The following PARD3 variants were observed in gnomAD, a reference collection of about 807,000 sequenced individuals.
PARD3 encodes par-3 family cell polarity regulator, also known as partitioning defective 3 homolog.
PARD3 carries 75 observed loss-of-function variants against 155.4 expected under a neutral mutation model. That is an observed-to-expected ratio of 0.48 (90% CI 0.40 to 0.58). The LOEUF is 0.58. Among genes scored for constraint, PARD3 ranks in the 20% least tolerant of loss-of-function variants. PARD3 has a pLI of 0.00. For synonymous variants in PARD3, 576 were observed against 610.5 expected, an observed-to-expected ratio of 0.94 and a Z score of 0.83; for missense variants, 1,642 against 1,721.7, an observed-to-expected ratio of 0.95 and a Z score of 0.82.
intron 22 of PARD3, among the ~76,000 whole-genome samples, chr10:34,208,861 A>G (rs1210934205): frequency 6.6e-6 from 1 of 152,182 alleles, no homozygotes; most frequent in African/African-American, 2.4e-5. Flanking sequence ...AAAATTAAAA[A>G]GGGAGCCCAC....
At chr10:34,415,990 G>T (rs1272670582) in intron 5 of PARD3, among the ~76,000 whole-genome samples, 1 of 152,150 alleles carries the variant, frequency 6.6e-6, no homozygotes, top group African/African-American at 2.4e-5. Context: ...TCATGAATCT[G>T]CCAGGCACTA....
At chr10:34,786,052 CAT>C (rs10596521) in intron 1 of PARD3, among the ~76,000 whole-genome samples, 32,768 of 152,090 alleles carry the variant, frequency 0.22, 3,633 homozygotes, top group South Asian at 0.34. Context: ...CTTCTTCACT[CAT>C]GTGTGTGGTA....
chr10:34,136,335 G>C (rs1333738339), intron 22 of PARD3, among the ~76,000 whole-genome samples: 1 of 152,138 alleles, frequency 6.6e-6, no homozygotes, highest in Non-Finnish European at 1.5e-5. Context: ...TCTATTCAGA[G>C]CAGTATATGC....
intron 2 of PARD3, among the ~76,000 whole-genome samples, chr10:34,614,873 C>T (rs1249596589): frequency 6.6e-6 from 1 of 152,134 alleles, no homozygotes; most frequent in Non-Finnish European, 1.5e-5. Flanking sequence ...CATCCCACTA[C>T]CTGACTTTAA....
At chr10:34,142,167 C>T (rs1948221219) in intron 22 of PARD3, among the ~76,000 whole-genome samples, 1 of 152,130 alleles carries the variant, frequency 6.6e-6, no homozygotes, top group East Asian at 1.9e-4. Context: ...CCCTAGCAGG[C>T]AATCTTAACA....
At chr10:34,603,060 G>C (rs144839438) in intron 2 of PARD3, among the ~76,000 whole-genome samples, 224 of 152,274 alleles carry the variant, frequency 1.5e-3, no homozygotes, top group African/African-American at 5.2e-3. Flanking sequence ...GTTTGGTAGA[G>C]AGCGATTAAG....
chr10:34,610,835 C>A (rs891884049), intron 2 of PARD3, among the ~76,000 whole-genome samples: 1 of 151,908 alleles, frequency 6.6e-6, no homozygotes, highest in African/African-American at 2.4e-5. Context: ...GTACCCACAG[C>A]TTTTGATTAC....
At chr10:34,273,112 C>G (rs1955706595) in intron 21 of PARD3, among the ~76,000 whole-genome samples, 1 of 152,180 alleles carries the variant, frequency 6.6e-6, no homozygotes, top group Non-Finnish European at 1.5e-5. Flanking sequence ...AATTGTGCCT[C>G]CCGGTACGTA....
At chr10:34,649,681 G>A (rs1174060853) in intron 2 of PARD3, among the ~76,000 whole-genome samples, 1 of 152,194 alleles carries the variant, frequency 6.6e-6, no homozygotes, top group Non-Finnish European at 1.5e-5. Context: ...AACACTGCAT[G>A]CTTAGGCTAC....
At chr10:34,554,908 T>G (rs770047675) in intron 2 of PARD3, among the ~76,000 whole-genome samples, 2 of 152,224 alleles carry the variant, frequency 1.3e-5, no homozygotes, top group Non-Finnish European at 2.9e-5. Flanking sequence ...GTCTAGCATT[T>G]CAGAATCTAT....
intron 1 of PARD3, among the ~76,000 whole-genome samples, chr10:34,798,593 C>T (rs1446350574): frequency 1.3e-5 from 2 of 150,988 alleles, no homozygotes; most frequent in Non-Finnish European, 3.0e-5. Context: ...TAACCCGAGC[C>T]GCTCAGGAAG....
rs558948763 is a variant in PARD3 at position 34,558,904 on chromosome 10, G to A, written c.223-41745C>T. 5.3e-4 allele frequency among the ~76,000 whole-genome samples: 81 copies of A among 152,246 alleles called. No homozygotes were observed. The South Asian group carries it at 0.015, about 28-fold the overall frequency. The stretch of plus-strand genomic sequence containing the variant: ...GGAGGTTGCAGTGAGCCAAGATTGC[G>A]CCACTGCACTCCAGCCTGGGCGACA... On this transcript the variant is annotated intron_variant, in intron 2 of 24. Coordinates refer to ENST00000374788, the MANE Select transcript of PARD3 (RefSeq NM_001184785.2).
chr10:34,522,198 G>T (rs923755390), intron 2 of PARD3, among the ~76,000 whole-genome samples: 1 of 152,140 alleles, frequency 6.6e-6, no homozygotes, highest in Non-Finnish European at 1.5e-5. Context: ...GCCTGGCTGC[G>T]GCCAGAGAGA....
intron 1 of PARD3, among the ~76,000 whole-genome samples, chr10:34,715,179 G>A (rs10827400): frequency 0.28 from 42,090 of 151,242 alleles, 7,175 homozygotes; most frequent in Non-Finnish European, 0.38. Context: ...CTGGCCTCAA[G>A]CAACCCACCT....
intron 22 of PARD3, among the ~76,000 whole-genome samples, chr10:34,168,951 T>C (rs552391143): frequency 1.3e-5 from 2 of 152,360 alleles, no homozygotes; most frequent in African/African-American, 4.8e-5. Flanking sequence ...CCTAGAAATA[T>C]CTGCTGCCTT....
Position 34,268,492 on chromosome 10 carries a change from G to A in PARD3, c.3419+1165C>T, listed in dbSNP as rs1322061065. The stretch of plus-strand genomic sequence containing the variant: ...GACACATGCACACTATGTTTATTGC[G>A]GCACTATTCACAATAGCAAAGACTT... On this transcript the variant is annotated intron_variant, in intron 22 of 24. Coordinates refer to ENST00000374788, the MANE Select transcript of PARD3 (RefSeq NM_001184785.2). Among the ~76,000 whole-genome samples the A allele has an allele frequency of 1.3e-4, 19 of 146,642 alleles. 1 individual carries two copies. The highest frequency in any genetic ancestry group is 1.9e-4 in the Non-Finnish European group (13 of 67,092).
rs148348182 is a variant in PARD3, at chr10:34,765,449, G to A, written c.120+49427C>T. On this transcript the variant is annotated intron_variant, in intron 1 of 24. Transcript: ENST00000374788. ...TCCCAGCACTTTGGGAGGCTGAGGCGGGTAGATCACCTGAGGTCAGGAATT... is the reference window on the plus strand; with the variant it reads ...TCCCAGCACTTTGGGAGGCTGAGGCAGGTAGATCACCTGAGGTCAGGAATT... 5.5e-3 allele frequency among the ~76,000 whole-genome samples: 835 copies of A among 152,044 alleles called. 9 individuals are homozygous for A. Among genetic ancestry groups the A allele is most frequent in the African/African-American group, 0.019 (791 of 41,444 alleles).
intron 1 of PARD3, among the ~76,000 whole-genome samples, chr10:34,745,579 G>A (rs1440775190): frequency 1.3e-5 from 2 of 152,056 alleles, no homozygotes; most frequent in East Asian, 1.9e-4. Flanking sequence ...CAGGGCTTTG[G>A]GCATGCAATC....
intron 22 of PARD3, among the ~76,000 whole-genome samples, chr10:34,176,042 T>C (rs1026662451): frequency 6.6e-6 from 1 of 152,216 alleles, no homozygotes; most frequent in Non-Finnish European, 1.5e-5. Context: ...TTAGCAAATA[T>C]GTTTCTCTAA....
Sources: allele counts gnomAD v4.1 joint callset (sites outside exome capture counted in the v4.1 genomes callset), GRCh38; gene constraint gnomAD v4.1.1; transcripts MANE v1.5; gene names NCBI Gene and HGNC (gene_info 2026-07-23, HGNC 2026-07-21).